Variants in DCDC1 observed in about 807,000 individuals in gnomAD.
DCDC1 encodes doublecortin domain containing 1, also known as doublecortin domain-containing protein 1.
In DCDC1, 200 loss-of-function variants were observed where a neutral mutation model predicts 178.3. That is an observed-to-expected ratio of 1.12 (90% CI 1.00 to 1.26). DCDC1 has a LOEUF of 1.26. DCDC1 is among the 50% of genes most tolerant of loss of function. The pLI is 0.00. For missense variants in DCDC1, 1,983 were observed against 1,749.2 expected (o/e 1.13, Z -2.38); for synonymous variants, 690 against 604.8 (o/e 1.14, Z -2.07).
At chr11:31,199,962 T>G (rs2136423469) in intron 9 of DCDC1, among the ~76,000 whole-genome samples, 1 of 152,270 alleles carries the variant, frequency 6.6e-6, no homozygotes, top group Admixed American at 6.5e-5. Flanking sequence ...ATGACTACTT[T>G]TATATAGAGT....
chr11:31,071,791 G>A lies in DCDC1; in HGVS notation c.2298+6074C>T, dbSNP rs1956582791. Reference sequence around the variant, plus strand: ...CTCTTTTGTTCTCTCTCACTCTTTTGTCTAGCTCATGTTGTGCAGGCCCAC... The same window carrying A: ...CTCTTTTGTTCTCTCTCACTCTTTTATCTAGCTCATGTTGTGCAGGCCCAC... On this transcript the variant is annotated intron_variant, in intron 18 of 38. Coordinates refer to ENST00000684477, the MANE Select transcript of DCDC1 (RefSeq NM_001387274.1). Among the ~76,000 whole-genome samples the A allele has an allele frequency of 2.0e-5, 3 of 152,226 alleles. No individual in the cohort carries two copies. The South Asian group carries it at 6.2e-4, about 32-fold the overall frequency.
chr11:31,080,577 G>A (rs963229367), intron 17 of DCDC1, among the ~76,000 whole-genome samples: 1 of 151,968 alleles, frequency 6.6e-6, no homozygotes, highest in African/African-American at 2.4e-5. Context: ...ATTCTCCTAA[G>A]GTACTGAGAA....
intron 18 of DCDC1, among the ~76,000 whole-genome samples, chr11:31,074,204 C>T (rs1956732808): frequency 6.6e-6 from 1 of 152,156 alleles, no homozygotes; most frequent in South Asian, 2.1e-4. Flanking sequence ...CCATGTCTCA[C>T]TGGACATCGA....
At chr11:30,922,051 A>G (rs1946284679) in intron 24 of DCDC1, among the ~76,000 whole-genome samples, 1 of 152,212 alleles carries the variant, frequency 6.6e-6, no homozygotes, top group African/African-American at 2.4e-5. Context: ...AACCAACAGA[A>G]GGAACCATAA....
intron 6 of DCDC1, among the ~76,000 whole-genome samples, chr11:31,295,416 T>C (rs2137462696): frequency 6.6e-6 from 1 of 152,230 alleles, no homozygotes; most frequent in South Asian, 2.1e-4. Flanking sequence ...GCACCCAAAC[T>C]CCAGCTGCTT....
intron 18 of DCDC1, among the ~76,000 whole-genome samples, chr11:31,065,645 C>T (rs922940856): frequency 3.3e-5 from 5 of 152,054 alleles, no homozygotes; most frequent in African/African-American, 9.7e-5. Flanking sequence ...TGTCTATGAA[C>T]ATAGAAAGGG....
At chr11:31,298,296 C>T (rs907544397) in intron 6 of DCDC1, among the ~76,000 whole-genome samples, 3 of 152,142 alleles carry the variant, frequency 2.0e-5, no homozygotes, top group Non-Finnish European at 4.4e-5. Context: ...ACCTGATTAC[C>T]TTATCCCCTC....
chr11:31,274,559 T>A (rs535595992), intron 7 of DCDC1, among the ~76,000 whole-genome samples: 1 of 151,228 alleles, frequency 6.6e-6, no homozygotes, highest in Non-Finnish European at 1.5e-5. Flanking sequence ...AAAGGCTCCA[T>A]GGCAGAGCAA....
At chr11:31,299,682 C>T (rs1043388796) in intron 6 of DCDC1, among the ~76,000 whole-genome samples, 2 of 151,968 alleles carry the variant, frequency 1.3e-5, no homozygotes, top group African/African-American at 2.4e-5. Flanking sequence ...AAGTCAGATA[C>T]GTGTGACAAC....
rs185512103 is a variant in DCDC1, at chr11:31,275,637, T to C, written c.961-10037A>G. 2.2e-3 allele frequency among the ~76,000 whole-genome samples: 330 copies of C among 152,236 alleles called. 2 individuals carry two copies. Among genetic ancestry groups the C allele is most frequent in the African/African-American group, 7.3e-3 (303 of 41,552 alleles). On this transcript the variant is annotated intron_variant, in intron 7 of 38. Coordinates refer to ENST00000684477, the MANE Select transcript of DCDC1 (RefSeq NM_001387274.1). ...CTCCTGCCTCAGCCTCCCGAATAGC[T>C]GGGATTACAGGTGTGCACCACTACG...
chr11:31,023,478 A>G (rs1238666800), intron 20 of DCDC1, among the ~76,000 whole-genome samples: 1 of 152,090 alleles, frequency 6.6e-6, no homozygotes, highest in Admixed American at 6.6e-5. Context: ...GTGTAAGAAA[A>G]GTAAAAACAG....
intron 3 of DCDC1, among the ~76,000 whole-genome samples, chr11:31,315,913 T>G (rs1409198245): frequency 7.2e-4 from 83 of 114,688 alleles, no homozygotes; most frequent in Middle Eastern, 3.7e-3. Context: ...GTGTTTGGTT[T>G]TTTGTTCTTG....
chr11:31,056,671 AAAG>A (rs1033033724), intron 20 of DCDC1, among the ~76,000 whole-genome samples: 106 of 152,294 alleles, frequency 7.0e-4, no homozygotes, highest in African/African-American at 2.5e-3. Flanking sequence ...AAATTATAGA[AAAG>A]AAAAATTCAT....
rs985099328 is a variant in DCDC1, at chr11:31,045,651, G to A, written c.2591+18818C>T. Among the ~76,000 whole-genome samples the A allele has an allele frequency of 2.6e-5, 4 of 152,178 alleles. No individual in the cohort carries two copies. In the East Asian group the frequency reaches 7.7e-4, roughly 29 times the overall value. On this transcript the variant is annotated intron_variant, in intron 20 of 38. Transcript: ENST00000684477. ...TTCTAATGGTACCATTCTTTCAGAG[G>A]TTCAAGATAACTGTTCCTAGTTTTT...
chr11:30,909,183 T>C, intron 28 of DCDC1, 67 bp from the exon 29 acceptor site: 2 of 1,384,158 alleles, frequency 1.4e-6, no homozygotes, highest in South Asian at 1.6e-5. Context: ...TTGTTTTTCA[T>C]TGCATATATC....
chr11:30,872,323 T>C (rs991615266), intron 38 of DCDC1, among the ~76,000 whole-genome samples: 1 of 152,176 alleles, frequency 6.6e-6, no homozygotes, highest in African/African-American at 2.4e-5. Flanking sequence ...CTAGTCTGAA[T>C]TGAGATGTGC....
intron 1 of DCDC1, among the ~76,000 whole-genome samples, chr11:31,336,954 A>G (rs1950303280): frequency 6.6e-6 from 1 of 152,218 alleles, no homozygotes; most frequent in South Asian, 2.1e-4. Context: ...GACTGAGGGA[A>G]GATTGAAGGA....
intron 1 of DCDC1, among the ~76,000 whole-genome samples, chr11:31,354,510 A>G (rs1298110005): frequency 6.6e-6 from 1 of 152,192 alleles, no homozygotes; most frequent in Non-Finnish European, 1.5e-5. Flanking sequence ...GCAAGGGGGA[A>G]ATTATTTTGG....
At chr11:31,352,591 T>C (rs759881110) in intron 1 of DCDC1, among the ~76,000 whole-genome samples, 10 of 152,182 alleles carry the variant, frequency 6.6e-5, no homozygotes, top group Admixed American at 4.6e-4. Flanking sequence ...CTATCTACAA[T>C]GTACAACTCA....
Sources: allele counts gnomAD v4.1 joint callset (sites outside exome capture counted in the v4.1 genomes callset), GRCh38; gene constraint gnomAD v4.1.1; transcripts MANE v1.5; gene names NCBI Gene and HGNC (gene_info 2026-07-23, HGNC 2026-07-21).